PCDHA1: variants seen among roughly 807,000 people sequenced by gnomAD.
The protein encoded by PCDHA1 is protocadherin alpha 1.
In PCDHA1, 42 loss-of-function variants were observed where a neutral mutation model predicts 61.3. That is an observed-to-expected ratio of 0.69 (90% confidence interval 0.54 to 0.89). PCDHA1 has a LOEUF of 0.89. Ranked by LOEUF, PCDHA1 falls within the 40% of genes least tolerant of loss-of-function variation. The pLI is 0.00. For missense variants in PCDHA1, 1,256 were observed against 1,235.3 expected (o/e 1.02, Z -0.25); for synonymous variants, 610 against 553.8 (o/e 1.10, Z -1.43).
intron 1 of PCDHA1, among the ~76,000 whole-genome samples, chr5:140,941,249 TTCTTTC>T (rs1367740560): frequency 3.0e-4 from 42 of 138,342 alleles, no homozygotes; most frequent in South Asian, 7.1e-4. Context: ...CTTTCTTTCT[TTCTTTC>T]TCTTTCTTTC....
chr5:140,968,081 G>A, intron 1 of PCDHA1: 2 of 1,614,120 alleles, frequency 1.2e-6, no homozygotes, highest in Non-Finnish European at 1.7e-6. Context: ...CAACATCACG[G>A]TGACAGCCAC....
rs2150160897 is a variant in PCDHA1, at chr5:140,828,930, CT to C, written c.2394+40250del. ...GGAGCGAATGGGGCAATTTCATATT[CT>C]TTTAATAGCCTTGTTGCAGCCATGG... On this transcript the variant is annotated intron_variant, in intron 1 of 3. Coordinates refer to ENST00000504120, the MANE Select transcript of PCDHA1 (RefSeq NM_018900.4). The C allele has an allele frequency of 5.6e-6, 9 of 1,614,116 alleles. No individual in the cohort carries two copies. In the South Asian group the frequency reaches 8.8e-5, roughly 16 times the overall value.
chr5:140,928,066 G>A lies in PCDHA1; in HGVS notation c.2395-50883G>A, dbSNP rs376048656. On this transcript the variant is annotated intron_variant, in intron 1 of 3. Transcript: ENST00000504120. ...CCCTTTTCAGCTGACGGCTTCCTTT[G>A]ACAACTACTACAGCCTGCTGATTGA... 8.7e-6 allele frequency: 14 copies of A among 1,614,036 alleles called. No individual in the cohort carries two copies. In the African/African-American group the frequency reaches 1.9e-4, roughly 22 times the overall value.
intron 1 of PCDHA1, chr5:140,858,764 G>A: frequency 4.4e-6 from 2 of 451,976 alleles, no homozygotes; most frequent in South Asian, 5.7e-5. Context: ...ACAAATATTT[G>A]TGAGATTAGT....
In PCDHA1 at chr5:140,877,706, T is replaced by C. The variant is rs142399025; in HGVS notation, c.2394+89022T>C. On this transcript the variant is annotated intron_variant, in intron 1 of 3. Coordinates refer to ENST00000504120, the MANE Select transcript of PCDHA1 (RefSeq NM_018900.4). ...CCCACGCTGGTGTGCTCCAGCGCCG[T>C]GGGGAGTTGGTCTTACTCGCAGCAG... is the stretch of plus-strand genomic sequence containing the variant. The C allele has an allele frequency of 5.8e-4, 943 of 1,613,918 alleles. 7 individuals carry two copies. In the African/African-American group the frequency reaches 0.011, roughly 19 times the overall value.
chr5:140,869,244 C>A (rs782454826), intron 1 of PCDHA1: 1 of 1,613,658 alleles, frequency 6.2e-7, no homozygotes. Flanking sequence ...TCGTGGGCCG[C>A]ATCGCGCAGG....
chr5:140,857,527 G>T (rs147361555), intron 1 of PCDHA1: 13 of 1,597,684 alleles, frequency 8.1e-6, no homozygotes, highest in Non-Finnish European at 1.1e-5. Flanking sequence ...CCTACTCTCT[G>T]GTGGAGCGGC....
chr5:140,800,466 T>G, intron 1 of PCDHA1, among the ~76,000 whole-genome samples: 1 of 152,316 alleles, frequency 6.6e-6, no homozygotes, highest in East Asian at 1.9e-4. Flanking sequence ...TATGTATGTT[T>G]TAATATATAC....
At chr5:140,876,607 T>G (rs1480667665) in intron 1 of PCDHA1, 7 of 1,614,068 alleles carry the variant, frequency 4.3e-6, no homozygotes, top group Non-Finnish European at 5.9e-6. Flanking sequence ...GGATCGTGAC[T>G]CTGGAGCCAA....
At chr5:140,843,733 T>C (rs2150365726) in intron 1 of PCDHA1, 1 of 1,549,552 alleles carries the variant, frequency 6.5e-7, no homozygotes. Flanking sequence ...CATTTAAATT[T>C]AGAACTCATA....
chr5:140,796,003 A>T (rs782135378), intron 1 of PCDHA1: 1 of 1,614,158 alleles, frequency 6.2e-7, no homozygotes, highest in Non-Finnish European at 8.5e-7. Context: ...CAATGATAAC[A>T]CACCAGAAGT....
chr5:140,870,879 G>T (rs1554164779), intron 1 of PCDHA1: 2 of 1,613,952 alleles, frequency 1.2e-6, no homozygotes, highest in African/African-American at 2.7e-5. Context: ...TGGTGGCGAA[G>T]GTGCGCGCAG....
chr5:140,840,028 C>T (rs1159245345), intron 1 of PCDHA1, among the ~76,000 whole-genome samples: 2 of 151,974 alleles, frequency 1.3e-5, no homozygotes, highest in Non-Finnish European at 2.9e-5. Context: ...GGTCACGTAG[C>T]GTATCTCCCA....
At chr5:141,006,445 C>T (rs1202981865) in intron 3 of PCDHA1, among the ~76,000 whole-genome samples, 2 of 152,062 alleles carry the variant, frequency 1.3e-5, no homozygotes, top group Non-Finnish European at 2.9e-5. Context: ...AATCTCCTGA[C>T]CTCGAGATCT....
chr5:140,821,089 A>T (rs936159198), intron 1 of PCDHA1, among the ~76,000 whole-genome samples: 1 of 152,184 alleles, frequency 6.6e-6, no homozygotes, highest in Non-Finnish European at 1.5e-5. Flanking sequence ...TGAAAATAAC[A>T]TCAACAAAAT....
At chr5:140,882,062 T>G (rs78484684) in intron 1 of PCDHA1, 9 of 812,456 alleles carry the variant, frequency 1.1e-5, no homozygotes, top group Non-Finnish European at 1.5e-5. Flanking sequence ...CACTTACACG[T>G]TCATGCGCAT....
chr5:140,810,054 G>C (rs1045544275), intron 1 of PCDHA1: 1 of 153,900 alleles, frequency 6.5e-6, no homozygotes, highest in Non-Finnish European at 1.4e-5. Flanking sequence ...TGTTTGTTCG[G>C]GGCCTGTTTT....
At chr5:140,846,374 T>TTC (rs1554141279) in intron 1 of PCDHA1, among the ~76,000 whole-genome samples, 10 of 30,854 alleles carry the variant, frequency 3.2e-4, no homozygotes, top group African/African-American at 1.1e-3. Context: ...TCTTTCTTTC[T>TTC]TTTTTTTTTT....
chr5:140,850,339 C>T (rs2150480105), intron 1 of PCDHA1: 3 of 1,597,742 alleles, frequency 1.9e-6, no homozygotes, highest in East Asian at 2.2e-5. Flanking sequence ...CAGCCAGAAA[C>T]GGCCAGCGCG....
Sources: allele counts gnomAD v4.1 joint callset (sites outside exome capture counted in the v4.1 genomes callset), GRCh38; gene constraint gnomAD v4.1.1; transcripts MANE v1.5; gene names NCBI Gene and HGNC (gene_info 2026-07-23, HGNC 2026-07-21).